The following FRYL variants were observed in gnomAD, a reference collection of about 807,000 sequenced individuals.
FRYL encodes protein furry homolog-like.
FRYL carries 150 observed loss-of-function variants against 351.2 expected under a neutral mutation model. The observed-to-expected ratio is 0.43, with a 90% CI of 0.37 to 0.49. The LOEUF is 0.49. Among genes scored for constraint, FRYL ranks in the 20% least tolerant of loss-of-function variants. FRYL has a pLI of 0.00. For synonymous variants in FRYL, 1,153 were observed against 1,257.1 expected (o/e 0.92, Z 1.75); for missense variants, 3,036 against 3,619.3 (o/e 0.84, Z 4.13).
chr4:48,586,679 T>A lies in FRYL; in HGVS notation c.1690A>T (p.Ile564Phe). ...ATACCGTCAGGAATCAACCTTGGAA[T>A]CGCAGCAATACAAGTTCTAAACAAA... ...IDLFRTCIAA[I>F]PRLIPDGMSR... The change falls in exon 19 of 64, where the codon ATT (isoleucine) becomes TTT (phenylalanine). Residue 564 changes from isoleucine to phenylalanine, a missense_variant. By Grantham distance (21) the Ile-to-Phe change is conservative (BLOSUM62 0). This residue lies in a region of FRYL where 78 missense variants were observed against 106.6 expected (regional missense o/e 0.73). Coordinates refer to ENST00000358350, the MANE Select transcript of FRYL (RefSeq NM_015030.2). The A allele has an allele frequency of 6.2e-7, 1 of 1,612,028 alleles. No homozygotes were observed. Among genetic ancestry groups the A allele is most frequent in the Non-Finnish European group, 8.5e-7 (1 of 1,179,212 alleles).
intron 3 of FRYL, among the ~76,000 whole-genome samples, chr4:48,643,333 CT>C (rs1203272490): frequency 5.9e-5 from 9 of 152,172 alleles, no homozygotes; most frequent in African/African-American, 2.2e-4. Flanking sequence ...GGGCTCCCTC[CT>C]ACTATCTTAA....
At chr4:48,681,157 A>T (rs1578706022) in intron 3 of FRYL, 1 of 1,079,390 alleles carries the variant, frequency 9.3e-7, no homozygotes, top group South Asian at 1.9e-5. Flanking sequence ...TAGGCCCACA[A>T]GCACACAGAA....
chr4:48,535,671 T>C lies in FRYL; in HGVS notation c.6550A>G (p.Thr2184Ala), dbSNP rs776336610. The change falls in exon 48 of 64, where the codon ACT (threonine) becomes GCT (alanine). Residue 2184 changes from threonine (T) to alanine (A), a missense_variant. This residue lies in a region of FRYL where 1,987 missense variants were observed against 2,311.7 expected (regional missense o/e 0.86). Transcript: ENST00000358350. Reference protein sequence around the residue: ...SFSDTTFNLVTYLAELLEKGL... With the variant: ...SFSDTTFNLVAYLAELLEKGL... The stretch of plus-strand genomic sequence containing the variant: ...GGTAAATTTACCTCTGCAAGATAAG[T>C]CACAAGATTAAATGTTGTATCTGAG... The C allele has an allele frequency of 1.9e-6, 3 of 1,582,318 alleles. No individual in the cohort carries two copies. Among genetic ancestry groups the C allele is most frequent in the Non-Finnish European group, 2.6e-6 (3 of 1,165,342 alleles).
chr4:48,601,391 GAA>G (rs1445867657), intron 13 of FRYL, among the ~76,000 whole-genome samples: 1 of 152,180 alleles, frequency 6.6e-6, no homozygotes, highest in Non-Finnish European at 1.5e-5. Flanking sequence ...ACCCAAAGAA[GAA>G]AAGAGGATCC....
intron 59 of FRYL, among the ~76,000 whole-genome samples, chr4:48,508,146 C>CTAAT (rs1214407649): frequency 1.3e-5 from 2 of 152,166 alleles, no homozygotes; most frequent in Non-Finnish European, 2.9e-5. Context: ...CTGTTTTCTA[C>CTAAT]TAATTTTATT....
intron 3 of FRYL, among the ~76,000 whole-genome samples, chr4:48,666,928 G>C (rs1761809641): frequency 6.6e-6 from 1 of 152,084 alleles, no homozygotes; most frequent in Non-Finnish European, 1.5e-5. Flanking sequence ...ATTTAGGTAA[G>C]ATTACTATGA....
chr4:48,632,108 A>T (rs955357483), intron 4 of FRYL, among the ~76,000 whole-genome samples: 1 of 64,406 alleles, frequency 1.6e-5, no homozygotes, highest in Non-Finnish European at 3.4e-5. Flanking sequence ...ATATATATAT[A>T]TATATATATA....
At chr4:48,730,719 C>G (rs1379284199) in intron 1 of FRYL, among the ~76,000 whole-genome samples, 1 of 152,194 alleles carries the variant, frequency 6.6e-6, no homozygotes, top group African/African-American at 2.4e-5. Flanking sequence ...CTTACAACAG[C>G]TCCTGAAGGA....
At chr4:48,707,380 AAT>A (rs957509426) in intron 2 of FRYL, among the ~76,000 whole-genome samples, 2 of 152,204 alleles carry the variant, frequency 1.3e-5, no homozygotes, top group African/African-American at 4.8e-5. Context: ...AATACTTATA[AAT>A]AAGATACATG....
chr4:48,551,343 A>T, intron 37 of FRYL, 151 bp downstream of exon 37: 1 of 514,784 alleles, frequency 1.9e-6, no homozygotes, highest in Non-Finnish European at 3.4e-6. Flanking sequence ...GAAACTCTCA[A>T]TGTGGAAAGT....
chr4:48,583,830 G>A (rs566970966), intron 19 of FRYL, among the ~76,000 whole-genome samples: 11 of 151,718 alleles, frequency 7.3e-5, no homozygotes, highest in Non-Finnish European at 1.5e-4. Flanking sequence ...GCTTGAACCC[G>A]GGAGGCAGAG....
At chr4:48,579,775 T>C (rs994263333) in intron 22 of FRYL, among the ~76,000 whole-genome samples, 5 of 152,176 alleles carry the variant, frequency 3.3e-5, no homozygotes, top group Non-Finnish European at 7.4e-5. Context: ...TTACTCTCTT[T>C]TTGGAATAAT....
At position 48,710,569 on chromosome 4, in the gene FRYL, T is replaced by A; in HGVS notation, c.-254A>T. The A allele has an allele frequency of 2.5e-6, 1 of 398,600 alleles. No homozygotes were observed. Among genetic ancestry groups the A allele is most frequent in the Non-Finnish European group, 4.4e-6 (1 of 226,064 alleles). 24.7% of individuals were successfully genotyped at this position (398,600 alleles called of 1,614,324 possible). A position where few individuals can be genotyped will look rare whatever the true frequency, so the allele number is the denominator to read the frequency against. Reference sequence around the variant, plus strand: ...AGAGTTTGTAGAAAAGACACCAAGTTTGGAAAGGATCCATCTAGAAGCTTT... The same window carrying A: ...AGAGTTTGTAGAAAAGACACCAAGTATGGAAAGGATCCATCTAGAAGCTTT... On this transcript the variant is annotated 5_prime_UTR_variant, in exon 2 of 64. Coordinates refer to ENST00000358350, the MANE Select transcript of FRYL (RefSeq NM_015030.2).
chr4:48,547,692 T>TGG lies in FRYL; in HGVS notation c.4964_4965dup (p.Asn1656ProfsTer32). 1 of 1,605,952 alleles carries TGG rather than the reference T, an allele frequency of 6.2e-7. No homozygotes were observed. Among genetic ancestry groups the TGG allele is most frequent in the Non-Finnish European group, 8.5e-7 (1 of 1,174,376 alleles). On this transcript the variant is annotated frameshift_variant, in exon 41 of 64. Coordinates refer to ENST00000358350, the MANE Select transcript of FRYL (RefSeq NM_015030.2). LOFTEE classifies it high-confidence loss of function. Reference sequence around the variant, plus strand: ...GAAGCAACAGTTCGGATGTTACTATTGGGTCCCATTACTATTAATAAGTGC... The same window carrying TGG: ...GAAGCAACAGTTCGGATGTTACTATTGGGGGTCCCATTACTATTAATAAGTGC...
At chr4:48,731,644 T>C (rs953711661) in intron 1 of FRYL, among the ~76,000 whole-genome samples, 1 of 152,134 alleles carries the variant, frequency 6.6e-6, no homozygotes, top group Non-Finnish European at 1.5e-5. Context: ...TCTACCACCA[T>C]CTGATCTTTG....
Position 48,578,955 on chromosome 4 carries a change from A to C in FRYL, c.2528+18T>G, listed in dbSNP as rs752354386. 1 of 1,557,432 alleles carries C rather than the reference A, an allele frequency of 6.4e-7. No individual in the cohort carries two copies. The highest frequency in any genetic ancestry group is 2.1e-5 in the Admixed American group (1 of 47,804). ...ACAGTCTATACATTTTTAAATTTACACTAGGAAAATAACTTACTTTATATC... is the reference window on the plus strand; with the variant it reads ...ACAGTCTATACATTTTTAAATTTACCCTAGGAAAATAACTTACTTTATATC... On this transcript the variant is annotated intron_variant, in intron 23 of 63. Transcript: ENST00000358350.
At chr4:48,723,859 G>A (rs1769763249) in intron 1 of FRYL, among the ~76,000 whole-genome samples, 1 of 151,222 alleles carries the variant, frequency 6.6e-6, no homozygotes, top group Non-Finnish European at 1.5e-5. Context: ...GCCAAGACAG[G>A]AGGACTGTTT....
intron 2 of FRYL, among the ~76,000 whole-genome samples, chr4:48,691,031 C>T (rs1339609997): frequency 6.6e-6 from 1 of 152,172 alleles, no homozygotes; most frequent in African/African-American, 2.4e-5. Flanking sequence ...AGAAGCCTGA[C>T]TTCTGTAACA....
rs755984516 is a variant in FRYL, at chr4:48,546,128, C to A, written c.5218G>T (p.Val1740Phe). The change falls in exon 42 of 64, where the codon GTT becomes TTT. Residue 1740 changes from valine to phenylalanine, a missense_variant. Physicochemically the swap from Val to Phe is conservative, Grantham distance 50. Coordinates refer to ENST00000358350, the MANE Select transcript of FRYL (RefSeq NM_015030.2). ...SHLHTTILNE[V>F]DISVEQDGKV... Reference sequence around the variant, plus strand: ...CCATCCTGCTCCACTGAGATGTCAACCTCATTGAGGATAGTGGTGTGCAGA... The same window carrying A: ...CCATCCTGCTCCACTGAGATGTCAAACTCATTGAGGATAGTGGTGTGCAGA... 6.2e-7 allele frequency: 1 copy of A among 1,613,726 alleles called. No homozygotes were observed. Among genetic ancestry groups the A allele is most frequent in the East Asian group, 2.2e-5 (1 of 44,850 alleles).
Sources: gnomAD v4.1 joint callset for allele counts (sites outside exome capture counted in the v4.1 genomes callset) on GRCh38, gnomAD v4.1.1 for gene constraint, gnomAD v4.1.1 regional missense constraint, MANE v1.5 for transcripts, NCBI Gene and HGNC (gene_info 2026-07-23, HGNC 2026-07-21) for gene names.